Variants in LAMA2 observed in about 807,000 individuals in gnomAD.
LAMA2 encodes the protein laminin subunit alpha-2.
Under a neutral mutation model 364.8 loss-of-function variants are expected in LAMA2, and 269 were observed. The ratio of observed to expected loss-of-function variants is 0.74; its 90% CI spans 0.67 to 0.82. The LOEUF (loss-of-function observed/expected upper bound fraction) is 0.82. Ranked by LOEUF, LAMA2 falls within the 40% of genes least tolerant of loss-of-function variation. The pLI is 0.00. For synonymous variants in LAMA2, 1,379 were observed against 1,370.6 expected, an observed-to-expected ratio of 1.01 and a Z score of -0.14; for missense variants, 3,807 against 3,873.2, an observed-to-expected ratio of 0.98 and a Z score of 0.45.
intron 43 of LAMA2, among the ~76,000 whole-genome samples, chr6:129,442,549 C>T (rs1296818641): frequency 2.6e-5 from 4 of 151,986 alleles, no homozygotes; most frequent in Non-Finnish European, 2.9e-5. Flanking sequence ...TAAGTTCAGG[C>T]GTATAAGTGC....
intron 1 of LAMA2, among the ~76,000 whole-genome samples, chr6:129,030,482 A>G (rs1786148238): frequency 6.6e-6 from 1 of 152,162 alleles, no homozygotes; most frequent in African/African-American, 2.4e-5. Context: ...ATCACCCATC[A>G]TTACTAATCT....
intron 10 of LAMA2, among the ~76,000 whole-genome samples, chr6:129,183,087 T>C (rs1781024906): frequency 6.6e-6 from 1 of 151,988 alleles, no homozygotes; most frequent in South Asian, 2.1e-4. Flanking sequence ...AAAGCAGTGC[T>C]AGCTCAAGAC....
chr6:129,063,059 A>G (rs557937207), intron 3 of LAMA2, among the ~76,000 whole-genome samples: 3 of 151,982 alleles, frequency 2.0e-5, no homozygotes, highest in South Asian at 2.1e-4. Context: ...TTCTCATTCT[A>G]TTTACTCATA....
rs531731597 is a variant in LAMA2 at position 128,897,619 on chromosome 6, G to A, written c.112+14262G>A. ...ATTGGCTCAGGGTATCCCCAAAACC[G>A]CAGTTGGAACTGAAGTGCTACAAAA... On this transcript the variant is annotated intron_variant, in intron 1 of 64. Coordinates refer to ENST00000421865, the MANE Select transcript of LAMA2 (RefSeq NM_000426.4). 1.4e-4 allele frequency among the ~76,000 whole-genome samples: 22 copies of A among 152,318 alleles called. No individual in the cohort carries two copies. In the South Asian group the frequency reaches 1.9e-3, roughly 13 times the overall value.
At chr6:129,219,545 C>T (rs552348071) in intron 12 of LAMA2, among the ~76,000 whole-genome samples, 3 of 150,726 alleles carry the variant, frequency 2.0e-5, no homozygotes, top group East Asian at 3.9e-4. Flanking sequence ...TATTGTGGCA[C>T]TATTCACAAT....
At chr6:129,216,886 A>G (rs971201115) in intron 12 of LAMA2, among the ~76,000 whole-genome samples, 6 of 152,200 alleles carry the variant, frequency 3.9e-5, no homozygotes, top group Admixed American at 1.3e-4. Context: ...GGTAAGCTGT[A>G]TCATTACGTT....
chr6:129,039,675 TA>T (rs1375147248), intron 1 of LAMA2, among the ~76,000 whole-genome samples: 7 of 152,276 alleles, frequency 4.6e-5, no homozygotes, highest in African/African-American at 1.2e-4. Context: ...TTGACAGGGA[TA>T]GGGGTGGATG....
rs1303935646 is a variant in LAMA2 at position 128,950,335 on chromosome 6, A to G, written c.112+66978A>G. Among the ~76,000 whole-genome samples, 3 of 152,306 alleles carry G rather than the reference A, an allele frequency of 2.0e-5. No homozygotes were observed. In the East Asian group the frequency reaches 5.8e-4, roughly 29 times the overall value. Reference sequence around the variant, plus strand: ...GGTAAAGGGCACTGATTGTTCAAGAAAAGTGAGTAGTCTGGAAAGGGTCAT... The same window carrying G: ...GGTAAAGGGCACTGATTGTTCAAGAGAAGTGAGTAGTCTGGAAAGGGTCAT... On this transcript the variant is annotated intron_variant, in intron 1 of 64. Transcript: ENST00000421865.
At chr6:128,905,911 T>G (rs1777431377) in intron 1 of LAMA2, among the ~76,000 whole-genome samples, 1 of 152,154 alleles carries the variant, frequency 6.6e-6, no homozygotes, top group African/African-American at 2.4e-5. Context: ...TGTGATAGTT[T>G]GCTGAGAATG....
At chr6:129,438,113 G>A (rs1363494206) in intron 41 of LAMA2, among the ~76,000 whole-genome samples, 1 of 151,530 alleles carries the variant, frequency 6.6e-6, no homozygotes, top group Non-Finnish European at 1.5e-5. Flanking sequence ...TGAGAAAAAT[G>A]ACTATTATCA....
chr6:129,328,574 A>G (rs1053756914), intron 29 of LAMA2, among the ~76,000 whole-genome samples, 162 bp downstream of exon 29: 1 of 152,202 alleles, frequency 6.6e-6, no homozygotes, highest in Non-Finnish European at 1.5e-5. Context: ...CTGCATTTTA[A>G]AAAGTAAGGA....
At chr6:129,189,975 T>C (rs1297729406) in intron 10 of LAMA2, among the ~76,000 whole-genome samples, 1 of 152,206 alleles carries the variant, frequency 6.6e-6, no homozygotes, top group Non-Finnish European at 1.5e-5. Flanking sequence ...TAGTCACTTT[T>C]ACGAGAGTAG....
intron 45 of LAMA2, among the ~76,000 whole-genome samples, chr6:129,450,479 T>C (rs1427875962): frequency 1.3e-5 from 2 of 151,658 alleles, no homozygotes; most frequent in African/African-American, 4.8e-5. Context: ...GCCACCACCA[T>C]GGCCGGCTAA....
At position 128,904,515 on chromosome 6, in the gene LAMA2, C is replaced by T. The variant is rs1281638701; in HGVS notation, c.112+21158C>T. Among the ~76,000 whole-genome samples the T allele has an allele frequency of 3.5e-5, 5 of 142,666 alleles. No individual in the cohort carries two copies. In the South Asian group the frequency reaches 8.8e-4, roughly 25 times the overall value. 93.6% of individuals were successfully genotyped at this position (142,666 alleles called of 152,430 possible). Reference sequence around the variant, plus strand: ...TGTTGCCCAGGCTGGAGTGCAATGGCGTGATCTTGGCTCACTGCAACCTCC... The same window carrying T: ...TGTTGCCCAGGCTGGAGTGCAATGGTGTGATCTTGGCTCACTGCAACCTCC... On this transcript the variant is annotated intron_variant, in intron 1 of 64. Coordinates refer to ENST00000421865, the MANE Select transcript of LAMA2 (RefSeq NM_000426.4).
intron 29 of LAMA2, among the ~76,000 whole-genome samples, chr6:129,341,918 A>T (rs1357776584): frequency 1.3e-5 from 2 of 152,240 alleles, no homozygotes; most frequent in African/African-American, 4.8e-5. Flanking sequence ...ACTAGTGGGC[A>T]TGTGCCAAGG....
intron 1 of LAMA2, among the ~76,000 whole-genome samples, chr6:128,966,274 ATGT>A (rs1205416520): frequency 6.6e-6 from 1 of 152,020 alleles, no homozygotes; most frequent in Non-Finnish European, 1.5e-5. Flanking sequence ...ACATTTTAAA[ATGT>A]TGTGACTGTT....
intron 4 of LAMA2, among the ~76,000 whole-genome samples, chr6:129,108,692 C>A (rs913894011): frequency 6.6e-6 from 1 of 152,106 alleles, no homozygotes; most frequent in Non-Finnish European, 1.5e-5. Flanking sequence ...GATCCACTGA[C>A]CAACATTTCT....
intron 29 of LAMA2, among the ~76,000 whole-genome samples, chr6:129,329,811 G>A (rs987580362): frequency 2.6e-5 from 4 of 152,158 alleles, no homozygotes; most frequent in African/African-American, 7.2e-5. Context: ...ATATTGGTCC[G>A]TGGCCTTTTA....
chr6:129,223,604 A>C (rs1017384811), intron 12 of LAMA2, among the ~76,000 whole-genome samples: 1 of 152,030 alleles, frequency 6.6e-6, no homozygotes, highest in Admixed American at 6.6e-5. Flanking sequence ...TAGGGAATCC[A>C]TTCCCCATTG....
Sources: gnomAD v4.1 joint callset for allele counts (sites outside exome capture counted in the v4.1 genomes callset) on GRCh38, gnomAD v4.1.1 for gene constraint, MANE v1.5 for transcripts, NCBI Gene and HGNC (gene_info 2026-07-23, HGNC 2026-07-21) for gene names.